Variants in LRRTM4 observed in about 807,000 individuals in gnomAD.
LRRTM4 encodes leucine rich repeat transmembrane neuronal 4.
Under a neutral mutation model 47.6 loss-of-function variants are expected in LRRTM4, and 25 were observed. The observed-to-expected ratio is 0.53, with a 90% CI of 0.38 to 0.73. The LOEUF is 0.73. Ranked by LOEUF, LRRTM4 falls within the 30% of genes least tolerant of loss-of-function variation. LRRTM4 has a pLI of 0.00. For missense variants in LRRTM4, 638 were observed against 713.4 expected, an observed-to-expected ratio of 0.89 and a Z score of 1.20; for synonymous variants, 311 against 269.5, an observed-to-expected ratio of 1.15 and a Z score of -1.51.
intron 3 of LRRTM4, among the ~76,000 whole-genome samples, chr2:76,894,369 C>T (rs1673344593): frequency 6.6e-6 from 1 of 152,062 alleles, no homozygotes; most frequent in African/African-American, 2.4e-5. Context: ...TGTAAAAATA[C>T]TGACTCATAT....
At chr2:76,980,597 A>G (rs1353310749) in intron 3 of LRRTM4, among the ~76,000 whole-genome samples, 3 of 152,014 alleles carry the variant, frequency 2.0e-5, no homozygotes, top group African/African-American at 7.2e-5. Flanking sequence ...TAAGACAGAT[A>G]CACTCTAGCC....
At chr2:76,932,850 T>A (rs955707431) in intron 3 of LRRTM4, among the ~76,000 whole-genome samples, 12 of 151,960 alleles carry the variant, frequency 7.9e-5, no homozygotes, top group South Asian at 4.2e-4. Context: ...TTTAATTTTT[T>A]AAATTTTATT....
intron 3 of LRRTM4, among the ~76,000 whole-genome samples, chr2:77,088,237 G>C (rs973075223): frequency 6.6e-6 from 1 of 152,156 alleles, no homozygotes; most frequent in African/African-American, 2.4e-5. Context: ...GTATCACACA[G>C]AACAGCCTGA....
At chr2:76,936,546 T>C (rs941116318) in intron 3 of LRRTM4, among the ~76,000 whole-genome samples, 8 of 147,516 alleles carry the variant, frequency 5.4e-5, no homozygotes, top group Non-Finnish European at 1.2e-4. Flanking sequence ...GTAAGAAACC[T>C]GCACGTTCTG....
intron 3 of LRRTM4, among the ~76,000 whole-genome samples, chr2:77,193,315 A>G (rs904821863): frequency 1.4e-4 from 22 of 152,206 alleles, no homozygotes; most frequent in African/African-American, 5.1e-4. Flanking sequence ...TTCTCAGACA[A>G]TAGTCCAGGT....
At chr2:76,974,241 C>CATAT (rs201885066) in intron 3 of LRRTM4, among the ~76,000 whole-genome samples, 6 of 109,848 alleles carry the variant, frequency 5.5e-5, no homozygotes, top group South Asian at 5.1e-4. Context: ...TATATATATA[C>CATAT]ATATATATAT....
intron 3 of LRRTM4, among the ~76,000 whole-genome samples, chr2:76,949,393 A>C (rs1212477844): frequency 6.6e-6 from 1 of 151,944 alleles, no homozygotes; most frequent in Non-Finnish European, 1.5e-5. Flanking sequence ...ATGCAGAGCA[A>C]TACAGAGCTC....
chr2:77,086,312 G>C (rs1011663822), intron 3 of LRRTM4, among the ~76,000 whole-genome samples: 1 of 151,998 alleles, frequency 6.6e-6, no homozygotes, highest in African/African-American at 2.4e-5. Context: ...AAAGCCAGAG[G>C]CAAGTTTAGG....
At chr2:77,068,245 G>C (rs1680027047) in intron 3 of LRRTM4, among the ~76,000 whole-genome samples, 1 of 152,122 alleles carries the variant, frequency 6.6e-6, no homozygotes, top group Non-Finnish European at 1.5e-5. Flanking sequence ...ACATCTGCCA[G>C]CTAGAAACTT....
intron 3 of LRRTM4, among the ~76,000 whole-genome samples, chr2:77,247,440 AT>A (rs1012736086): frequency 1.3e-5 from 2 of 152,056 alleles, no homozygotes; most frequent in Non-Finnish European, 2.9e-5. Context: ...CCGTCTGTCT[AT>A]TTTCTAGTTT....
chr2:77,156,487 C>T (rs1007481057), intron 3 of LRRTM4, among the ~76,000 whole-genome samples: 18 of 151,928 alleles, frequency 1.2e-4, no homozygotes, highest in African/African-American at 3.4e-4. Flanking sequence ...ATGAATCAAT[C>T]AGAGCTTTAT....
intron 3 of LRRTM4, among the ~76,000 whole-genome samples, chr2:76,910,316 A>G (rs1055441843): frequency 7.6e-6 from 1 of 130,978 alleles, no homozygotes; most frequent in African/African-American, 2.9e-5. Flanking sequence ...TGGACACAGG[A>G]AGGGGAACAT....
intron 3 of LRRTM4, among the ~76,000 whole-genome samples, chr2:77,436,035 A>G (rs2103916370): frequency 6.6e-6 from 1 of 152,224 alleles, no homozygotes; most frequent in South Asian, 2.1e-4. Context: ...GATAATTTTG[A>G]CTCTCCATTT....
intron 3 of LRRTM4, among the ~76,000 whole-genome samples, chr2:76,844,255 C>G (rs1671774112): frequency 6.6e-6 from 1 of 152,056 alleles, no homozygotes; most frequent in South Asian, 2.1e-4. Context: ...CTGCCTCAGC[C>G]TCCTGAGTAG....
chr2:77,185,614 G>C (rs1305091826), intron 3 of LRRTM4, among the ~76,000 whole-genome samples: 3 of 152,098 alleles, frequency 2.0e-5, no homozygotes, highest in African/African-American at 7.2e-5. Context: ...GGTTAAGATG[G>C]ATAAGTCAAA....
chr2:76,811,355 C>T (rs891538954), intron 3 of LRRTM4, among the ~76,000 whole-genome samples: 1 of 152,108 alleles, frequency 6.6e-6, no homozygotes, highest in African/African-American at 2.4e-5. Context: ...AAGCAGCTTG[C>T]AGAGGCTTGA....
intron 3 of LRRTM4, among the ~76,000 whole-genome samples, chr2:77,174,380 G>A (rs552353063): frequency 1.2e-4 from 18 of 152,272 alleles, no homozygotes; most frequent in African/African-American, 4.3e-4. Flanking sequence ...AGAGATGTTG[G>A]CTCTGCCATT....
At chr2:76,777,549 G>C (rs1182119751) in intron 3 of LRRTM4, among the ~76,000 whole-genome samples, 8 of 139,156 alleles carry the variant, frequency 5.7e-5, no homozygotes, top group African/African-American at 2.2e-4. Context: ...CTCATGATTT[G>C]GCTCTCTGTT....
At chr2:76,896,405 A>C (rs954081487) in intron 3 of LRRTM4, among the ~76,000 whole-genome samples, 2 of 152,112 alleles carry the variant, frequency 1.3e-5, no homozygotes, top group African/African-American at 4.8e-5. Flanking sequence ...ATATAGACAT[A>C]TTTTAATTTC....
Sources: gnomAD v4.1 joint callset for allele counts (sites outside exome capture counted in the v4.1 genomes callset) on GRCh38, gnomAD v4.1.1 for gene constraint, MANE v1.5 for transcripts, NCBI Gene and HGNC (gene_info 2026-07-23, HGNC 2026-07-21) for gene names.